The following MAST4 variants were observed in gnomAD, a reference collection of about 807,000 sequenced individuals.
MAST4 encodes the protein microtubule-associated serine/threonine-protein kinase 4.
In MAST4, 89 loss-of-function variants were observed where a neutral mutation model predicts 162.7. The ratio of observed to expected loss-of-function variants is 0.55; its 90% confidence interval spans 0.46 to 0.65. The LOEUF is 0.65. MAST4 is among the 30% of genes least tolerant of loss of function. The pLI is 0.00. For missense variants in MAST4, 3,153 were observed against 3,374.0 expected (o/e 0.93, Z 1.62); for synonymous variants, 1,479 against 1,361.1 (o/e 1.09, Z -1.91).
At chr5:67,061,997 T>C (rs1052424169) in intron 5 of MAST4, among the ~76,000 whole-genome samples, 1 of 152,196 alleles carries the variant, frequency 6.6e-6, no homozygotes, top group Non-Finnish European at 1.5e-5. Flanking sequence ...CAGATTTTCA[T>C]GCAGTGCTCA....
intron 2 of MAST4, 63 bp from the exon 3 acceptor site, chr5:66,788,607 C>CCCACCCA: frequency 7.3e-7 from 1 of 1,373,728 alleles, no homozygotes; most frequent in Non-Finnish European, 1.0e-6. Context: ...CCCCCACCCC[C>CCCACCCA]ATTGCAATAA....
At chr5:67,083,326 A>T (rs966585593) in intron 5 of MAST4, among the ~76,000 whole-genome samples, 6 of 152,216 alleles carry the variant, frequency 3.9e-5, no homozygotes, top group Admixed American at 1.3e-4. Context: ...ACCAGAGGCA[A>T]ACAAAATGTT....
At chr5:67,090,341 C>G (rs1241431812) in intron 6 of MAST4, 110 bp downstream of exon 6, 8 of 532,258 alleles carry the variant, frequency 1.5e-5, no homozygotes, top group Non-Finnish European at 2.6e-5. Flanking sequence ...CCACTTCTCC[C>G]CCTCCCCACT....
At chr5:66,949,435 C>T (rs1182348949) in intron 4 of MAST4, among the ~76,000 whole-genome samples, 6 of 152,096 alleles carry the variant, frequency 3.9e-5, no homozygotes, top group East Asian at 1.9e-4. Flanking sequence ...AAGGGGCTTC[C>T]GCCTTCACTC....
chr5:66,907,158 CGA>C (rs34963439), intron 4 of MAST4, among the ~76,000 whole-genome samples: 4,423 of 104,022 alleles, frequency 0.043, 104 homozygotes, highest in East Asian at 0.053. Context: ...CTCAGCAAAG[CGA>C]GAGAGAGAGA....
In MAST4 at chr5:67,130,397, A is replaced by G. The variant is rs762060693; in HGVS notation, c.1933A>G (p.Met645Val). The change falls in exon 15 of 29, where the codon ATG (methionine) becomes GTG (valine). Residue 645 changes from methionine to valine, a missense_variant. Met to Val is a conservative substitution (Grantham distance 21, BLOSUM62 1). Around this residue, in one of 7 missense-constraint regions of MAST4, gnomAD observed 131 missense variants for 253.8 expected, o/e 0.52. Coordinates refer to ENST00000403625, the MANE Select transcript of MAST4 (RefSeq NM_001164664.2). ...CTTTGAAACAAGGCGCCACTTGTGC[A>G]TGGTCATGGAATATGTGGAAGGTAT... ...CSFETRRHLC[M>V]VMEYVEGGDC... 2 of 1,613,902 alleles carry G rather than the reference A, an allele frequency of 1.2e-6. No individual in the cohort carries two copies. The highest frequency in any genetic ancestry group is 8.5e-7 in the Non-Finnish European group (1 of 1,179,838).
intron 5 of MAST4, among the ~76,000 whole-genome samples, chr5:67,078,768 A>G (rs1762036281): frequency 8.7e-6 from 1 of 115,586 alleles, no homozygotes; most frequent in Admixed American, 9.5e-5. Context: ...TTATCTAAAT[A>G]TATATATTTA....
At chr5:66,881,192 T>G (rs1761671192) in intron 3 of MAST4, among the ~76,000 whole-genome samples, 2 of 152,340 alleles carry the variant, frequency 1.3e-5, no homozygotes, top group Non-Finnish European at 2.9e-5. Context: ...TTTCAAAGTC[T>G]TATATTTTTC....
chr5:66,963,587 G>T, intron 4 of MAST4: 1 of 690,952 alleles, frequency 1.4e-6, no homozygotes, highest in Non-Finnish European at 2.6e-6. Context: ...ATTACCTAGT[G>T]GTGTAGATAA....
chr5:67,144,833 C>T, intron 22 of MAST4, 37 bp downstream of exon 22: 1 of 1,558,478 alleles, frequency 6.4e-7, no homozygotes, highest in Non-Finnish European at 8.7e-7. Context: ...TAAGCAGTAG[C>T]TACTAGAGCA....
chr5:67,162,023 T>A (rs1773236023), intron 27 of MAST4, among the ~76,000 whole-genome samples: 1 of 152,204 alleles, frequency 6.6e-6, no homozygotes, highest in Non-Finnish European at 1.5e-5. Context: ...TGCAGTACAG[T>A]GTCTGCTGCC....
chr5:66,843,355 C>T (rs778469593), intron 3 of MAST4, among the ~76,000 whole-genome samples: 14 of 152,190 alleles, frequency 9.2e-5, no homozygotes, highest in Non-Finnish European at 1.9e-4. Context: ...TATTGTGTGT[C>T]AGCAAGATAG....
chr5:67,044,420 G>A (rs940090074), intron 4 of MAST4, among the ~76,000 whole-genome samples: 9 of 152,200 alleles, frequency 5.9e-5, no homozygotes, highest in African/African-American at 2.2e-4. Context: ...TAGGCAATGA[G>A]ATATAGGCCC....
chr5:66,733,069 C>A (rs1020214274), intron 1 of MAST4, among the ~76,000 whole-genome samples: 1 of 152,172 alleles, frequency 6.6e-6, no homozygotes, highest in African/African-American at 2.4e-5. Context: ...CTTCCAACTC[C>A]AAGTCTCATT....
At chr5:66,962,445 C>T (rs1034485132) in intron 4 of MAST4, among the ~76,000 whole-genome samples, 7 of 152,188 alleles carry the variant, frequency 4.6e-5, no homozygotes, top group Admixed American at 6.5e-5. Context: ...TGGTGGCTTA[C>T]GCCTGTAATC....
At chr5:67,082,945 A>C (rs1027677335) in intron 5 of MAST4, among the ~76,000 whole-genome samples, 2 of 152,208 alleles carry the variant, frequency 1.3e-5, no homozygotes, top group Non-Finnish European at 2.9e-5. Context: ...AGGTTGGGAT[A>C]GGGCCTGGGT....
At chr5:66,977,906 A>G (rs778058104) in intron 4 of MAST4, among the ~76,000 whole-genome samples, 10 of 152,230 alleles carry the variant, frequency 6.6e-5, no homozygotes, top group Non-Finnish European at 1.3e-4. Context: ...CTCAGAACCT[A>G]GAACCCAGTG....
At chr5:67,126,180 C>T (rs143422301) in intron 14 of MAST4, among the ~76,000 whole-genome samples, 3,546 of 151,872 alleles carry the variant, frequency 0.023, 119 homozygotes, top group East Asian at 0.16. Context: ...AAAATTTTCT[C>T]CCATTCTGTA....
chr5:66,714,162 C>T (rs1750671172), intron 1 of MAST4, among the ~76,000 whole-genome samples: 1 of 152,192 alleles, frequency 6.6e-6, no homozygotes, highest in South Asian at 2.1e-4. Context: ...ACACAGATGA[C>T]TCACCCAAGC....
Sources: allele counts gnomAD v4.1 joint callset (sites outside exome capture counted in the v4.1 genomes callset), GRCh38; gene constraint gnomAD v4.1.1; regional missense constraint gnomAD v4.1.1; transcripts MANE v1.5; gene names NCBI Gene and HGNC (gene_info 2026-07-23, HGNC 2026-07-21).